CASP9: variants seen among roughly 807,000 people sequenced by gnomAD.
The protein encoded by CASP9 is caspase 9.
Under a neutral mutation model 43.5 loss-of-function variants are expected in CASP9, and 29 were observed. The ratio of observed to expected loss-of-function variants is 0.67; its 90% CI spans 0.50 to 0.91. The LOEUF is 0.91. Among genes scored for constraint, CASP9 ranks in the 40% least tolerant of loss-of-function variants. The probability of loss-of-function intolerance (pLI) is 0.00; values close to 1 mark genes in which losing one functional copy is unlikely to be tolerated. For synonymous variants in CASP9, 206 were observed against 211.9 expected, an observed-to-expected ratio of 0.97 and a Z score of 0.24; for missense variants, 575 against 537.4, an observed-to-expected ratio of 1.07 and a Z score of -0.69.
At chr1:15,524,567 G>A, upstream of CASP9, 4 of 291,982 alleles carry the variant, frequency 1.4e-5, no homozygotes, top group African/African-American at 1.6e-4. Flanking sequence ...AACCCGCCCC[G>A]TATCCCCGCA....
intron 6 of CASP9, among the ~76,000 whole-genome samples, chr1:15,496,783 C>T (rs1709118772): frequency 6.6e-6 from 1 of 152,162 alleles, no homozygotes; most frequent in Non-Finnish European, 1.5e-5. Context: ...AATCTCAACA[C>T]TTTGGGAGGC....
chr1:15,494,561 T>C (rs1302911107), intron 7 of CASP9, among the ~76,000 whole-genome samples: 1 of 114,386 alleles, frequency 8.7e-6, no homozygotes, highest in Non-Finnish European at 1.8e-5. Flanking sequence ...CAAGACTCCG[T>C]CTCAAAAAAA....
intron 2 of CASP9, among the ~76,000 whole-genome samples, chr1:15,512,332 TG>T (rs968293959): frequency 6.6e-6 from 1 of 151,892 alleles, no homozygotes; most frequent in African/African-American, 2.4e-5. Flanking sequence ...GGGATGAGAA[TG>T]GGATTTGAAT....
upstream of CASP9, chr1:15,524,473 C>A: frequency 2.2e-6 from 2 of 913,320 alleles, no homozygotes; most frequent in Non-Finnish European, 2.7e-6. Context: ...CGCCCCAGAA[C>A]ACGCTCCGCG....
intron 8 of CASP9, chr1:15,493,521 A>G (rs1708971785): frequency 1.5e-6 from 2 of 1,360,542 alleles, no homozygotes; most frequent in African/African-American, 1.5e-5. Context: ...TTGAGGGTCA[A>G]GAGTAGAAGA....
At chr1:15,493,434 A>G in intron 8 of CASP9, 1 of 1,245,840 alleles carries the variant, frequency 8.0e-7, no homozygotes, top group Non-Finnish European at 1.0e-6. Context: ...GACTGGGCCT[A>G]TCAGGCCACC....
intron 6 of CASP9, among the ~76,000 whole-genome samples, chr1:15,498,214 C>T (rs1286935347): frequency 6.6e-6 from 1 of 152,264 alleles, no homozygotes; most frequent in East Asian, 1.9e-4. Context: ...TCTCAAGTAG[C>T]TGGGACTACA....
At chr1:15,511,086 G>C (rs1483002602) in intron 2 of CASP9, among the ~76,000 whole-genome samples, 1 of 152,146 alleles carries the variant, frequency 6.6e-6, no homozygotes, top group Non-Finnish European at 1.5e-5. Context: ...TCTGGCCAAA[G>C]CAATCCTCGA....
chr1:15,520,130 AAG>A (rs67473464), intron 1 of CASP9: 88,985 of 151,864 alleles, frequency 0.59, 26,713 homozygotes, highest in African/African-American at 0.7. Context: ...CCACAGGGAT[AAG>A]ATGGCACCGT....
At chr1:15,495,579 A>C in intron 6 of CASP9, 127 bp from the exon 7 acceptor site, 1 of 819,756 alleles carries the variant, frequency 1.2e-6, no homozygotes, top group Non-Finnish European at 1.8e-6. Flanking sequence ...GGGACCCCAA[A>C]CTCATTAAGC....
intron 1 of CASP9, 132 bp from the exon 2 acceptor site, chr1:15,518,527 C>CTGAG (rs4646006): frequency 0.55 from 480,055 of 870,352 alleles, 136,879 homozygotes; most frequent in African/African-American, 0.71. Flanking sequence ...TGCAGGTGCA[C>CTGAG]TGTGTGCCAT....
chr1:15,503,832 G>C (rs949625759), intron 6 of CASP9, among the ~76,000 whole-genome samples: 2 of 152,140 alleles, frequency 1.3e-5, no homozygotes, highest in South Asian at 4.1e-4. Context: ...GGGCAGAGGG[G>C]ACTCCCTGGG....
chr1:15,519,551 G>C (rs190946070), intron 1 of CASP9, among the ~76,000 whole-genome samples: 32 of 152,146 alleles, frequency 2.1e-4, no homozygotes, highest in African/African-American at 7.0e-4. Flanking sequence ...AGGGGTCAGG[G>C]TGAAAAATGG....
At chr1:15,509,035 A>G (rs1709634663) in intron 2 of CASP9, among the ~76,000 whole-genome samples, 1 of 152,188 alleles carries the variant, frequency 6.6e-6, no homozygotes, top group South Asian at 2.1e-4. Flanking sequence ...ATGCAAATGA[A>G]ACACCTGGTC....
intron 5 of CASP9, 135 bp from the exon 6 acceptor site, chr1:15,504,893 G>T (rs1255098537): frequency 1.2e-6 from 1 of 819,960 alleles, no homozygotes; most frequent in Non-Finnish European, 1.9e-6. Flanking sequence ...GACAGAGCAG[G>T]TTGGTTCTGG....
intron 5 of CASP9, among the ~76,000 whole-genome samples, chr1:15,504,961 C>T (rs1709463179): frequency 6.6e-6 from 1 of 152,236 alleles, no homozygotes; most frequent in African/African-American, 2.4e-5. Flanking sequence ...GCATGTCAAA[C>T]TCATGTGCCT....
At chr1:15,493,416 T>C (rs922300055) in intron 8 of CASP9, 3 of 1,231,614 alleles carry the variant, frequency 2.4e-6, no homozygotes, top group Non-Finnish European at 3.1e-6. Flanking sequence ...CGGGTTTCTA[T>C]GGAGTAGGAC....
chr1:15,524,023 T>C (rs577123773), intron 1 of CASP9, 46 bp downstream of exon 1: 138 of 1,380,938 alleles, frequency 1.0e-4, no homozygotes, highest in Non-Finnish European at 1.3e-4. Context: ...TCGAGGGGCG[T>C]GGGGACCCGG....
intron 2 of CASP9, among the ~76,000 whole-genome samples, chr1:15,511,897 C>T (rs1709768016): frequency 6.6e-6 from 1 of 152,198 alleles, no homozygotes; most frequent in Admixed American, 6.5e-5. Flanking sequence ...TGGCCCTCCC[C>T]AGCCCTTGGC....
Sources: gnomAD v4.1 joint callset for allele counts (sites outside exome capture counted in the v4.1 genomes callset) on GRCh38, gnomAD v4.1.1 for gene constraint, MANE v1.5 for transcripts, NCBI Gene and HGNC (gene_info 2026-07-23, HGNC 2026-07-21) for gene names.